RASGRF1: variants seen among roughly 807,000 people sequenced by gnomAD.
RASGRF1 encodes the protein ras-specific guanine nucleotide-releasing factor 1.
In RASGRF1, 40 loss-of-function variants were observed where a neutral mutation model predicts 138.7. The ratio of observed to expected loss-of-function variants is 0.29; its 90% CI spans 0.22 to 0.38. The LOEUF (loss-of-function observed/expected upper bound fraction) is 0.38, where lower values mean the gene tolerates loss of function less well. RASGRF1 is among the 10% of genes least tolerant of loss of function. RASGRF1 has a pLI of 1.00. For synonymous variants in RASGRF1, 614 were observed against 663.2 expected (o/e 0.93, Z 1.14); for missense variants, 1,108 against 1,650.4 (o/e 0.67, Z 5.69).
At chr15:79,017,386 C>G (rs761226173) in intron 12 of RASGRF1, among the ~76,000 whole-genome samples, 1 of 152,106 alleles carries the variant, frequency 6.6e-6, no homozygotes, top group African/African-American at 2.4e-5. Context: ...CTTTTCTGTG[C>G]GTATCAATGA....
At chr15:79,035,251 T>C (rs1466825500) in intron 5 of RASGRF1, 41 bp from the exon 6 acceptor site, 1 of 1,529,748 alleles carries the variant, frequency 6.5e-7, no homozygotes, top group Non-Finnish European at 9.0e-7. Flanking sequence ...CCCAGGGACT[T>C]CCTGCTGCTC....
At chr15:78,998,933 G>A (rs1310350582) in intron 17 of RASGRF1, 108 bp from the exon 18 acceptor site, 3 of 784,594 alleles carry the variant, frequency 3.8e-6, no homozygotes, top group African/African-American at 1.7e-5. Flanking sequence ...GGGTGAGTGA[G>A]GGGGTCATGG....
rs1283629947 is a variant in RASGRF1, at chr15:79,046,733, T to G, written c.878+13A>C. ...TCTCCTTCCTGCCTTGGCCAACCTT[T>G]AGGGGTGCTCACCTGTTCAGGAAGA... On this transcript the variant is annotated intron_variant, in intron 5 of 26. Coordinates refer to ENST00000558480, the MANE Select transcript of RASGRF1 (RefSeq NM_001145648.3). This position sits in a 1 kb window ranked among gnomAD's most constrained non-coding sequence, Gnocchi z 5.3. 1 of 1,613,610 alleles carries G rather than the reference T, an allele frequency of 6.2e-7. No individual in the cohort carries two copies. Among genetic ancestry groups the G allele is most frequent in the Admixed American group, 1.7e-5 (1 of 60,006 alleles).
chr15:78,988,806 C>G (rs925856753), intron 22 of RASGRF1, among the ~76,000 whole-genome samples: 8 of 149,004 alleles, frequency 5.4e-5, no homozygotes, highest in Non-Finnish European at 8.9e-5. Context: ...GGGGTTGGAA[C>G]TTGCACACAT....
rs2057364373 is a variant in RASGRF1 at position 79,047,087 on chromosome 15, G to T, written c.625-88C>A. ...CAGGCTGTGAGCTCCCCAAGGGTAG[G>T]AACCAAGGCTTTGTTATTCCTACGC... On this transcript the variant is annotated intron_variant, in intron 4 of 26. Coordinates refer to ENST00000558480, the MANE Select transcript of RASGRF1 (RefSeq NM_001145648.3). 1.9e-5 allele frequency: 28 copies of T among 1,505,236 alleles called. No individual in the cohort carries two copies. In the South Asian group the frequency reaches 3.5e-4, roughly 19 times the overall value. The allele number at this position is 1,505,236 out of a possible 1,614,324, so 93.2% of individuals were successfully genotyped here. A position where few individuals can be genotyped will look rare whatever the true frequency, so the allele number is the denominator to read the frequency against.
chr15:79,003,852 C>T lies in RASGRF1; in HGVS notation c.2399G>A (p.Gly800Asp), dbSNP rs767426532. The change falls in exon 15 of 27, where the codon GGC becomes GAC. Residue 800 changes from glycine to aspartate, a missense_variant. This residue lies in a region of RASGRF1 where 686 missense variants were observed against 976.7 expected (regional missense o/e 0.70). Coordinates refer to ENST00000558480, the MANE Select transcript of RASGRF1 (RefSeq NM_001145648.3). Reference protein sequence around the residue: ...SSFTNKIPDEGDTTPEKPEDP... With the variant: ...SSFTNKIPDEDDTTPEKPEDP... ...TTCGGGCTTCTCAGGGGTCGTATCG[C>T]CCTCATCTGGAATCTTGTTGGTGAA... 2 of 1,613,398 alleles carry T rather than the reference C, an allele frequency of 1.2e-6. No individual in the cohort carries two copies. Among genetic ancestry groups the T allele is most frequent in the South Asian group, 1.1e-5 (1 of 91,032 alleles).
chr15:79,064,476 C>T lies in RASGRF1; in HGVS notation c.327G>A (p.Leu109=). 6.2e-7 allele frequency: 1 copy of T among 1,614,230 alleles called. No homozygotes were observed. The highest frequency in any genetic ancestry group is 1.3e-5 in the African/African-American group (1 of 75,072). Residue 109 remains leucine (L), a synonymous_variant, in exon 2 of 27, where the codon CTG becomes CTA. Coordinates refer to ENST00000558480, the MANE Select transcript of RASGRF1 (RefSeq NM_001145648.3). Reference sequence around the variant, plus strand: ...CACAATCTTTTGCGTCCTCTGTCCTCAGCTCCAAGGCTTTCTGGTTCTCAT... The same window carrying T: ...CACAATCTTTTGCGTCCTCTGTCCTTAGCTCCAAGGCTTTCTGGTTCTCAT... ...FSHENQKALE[L]RTEDAKDCDE...
At chr15:78,980,488 G>C (rs1298026292) in intron 24 of RASGRF1, 132 bp downstream of exon 24, 9 of 612,494 alleles carry the variant, frequency 1.5e-5, no homozygotes, top group Non-Finnish European at 2.5e-5. Flanking sequence ...GGAAATCTAG[G>C]GGTCTTGTGG....
chr15:79,004,956 C>A, intron 14 of RASGRF1: 1 of 984,678 alleles, frequency 1.0e-6, no homozygotes, highest in Non-Finnish European at 1.2e-6. Context: ...TCAGCCAAGG[C>A]CATAGGGCTG....
chr15:79,083,606 C>T (rs533669479), intron 1 of RASGRF1, among the ~76,000 whole-genome samples: 1 of 152,310 alleles, frequency 6.6e-6, no homozygotes, highest in East Asian at 1.9e-4. Context: ...CTCTTTCTTT[C>T]TCCATGTATT....
chr15:79,089,704 A>G (rs1749470739), intron 1 of RASGRF1, among the ~76,000 whole-genome samples: 1 of 152,254 alleles, frequency 6.6e-6, no homozygotes, highest in African/African-American at 2.4e-5. Flanking sequence ...CCGAGGAGCT[A>G]GCGCAGACCG....
intron 1 of RASGRF1, among the ~76,000 whole-genome samples, chr15:79,077,070 T>C (rs2057843035): frequency 1.3e-5 from 2 of 152,192 alleles, no homozygotes; most frequent in Admixed American, 6.5e-5. Flanking sequence ...TCTTCAGGGA[T>C]AGCTGACAGG....
chr15:79,056,270 GTGAA>G (rs2057509977), intron 3 of RASGRF1, among the ~76,000 whole-genome samples: 1 of 152,216 alleles, frequency 6.6e-6, no homozygotes, highest in Non-Finnish European at 1.5e-5. Flanking sequence ...GAGTGAGTAA[GTGAA>G]TGAATGAATG....
chr15:79,002,138 T>A (rs1158809144), intron 15 of RASGRF1, among the ~76,000 whole-genome samples: 1 of 151,792 alleles, frequency 6.6e-6, no homozygotes. Context: ...ATGTGGTTGG[T>A]CCACGGACCA....
rs1458228506 is a variant in RASGRF1 at position 78,978,550 on chromosome 15, T to C, written c.3494+2070A>G. The C allele has an allele frequency of 7.1e-6, 7 of 986,414 alleles. No homozygotes were observed. In the East Asian group the frequency reaches 7.9e-4, roughly 111 times the overall value. The allele number at this position is 986,414 out of a possible 1,614,324, so 61.1% of individuals were successfully genotyped here. A position where few individuals can be genotyped will look rare whatever the true frequency, so the allele number is the denominator to read the frequency against. ...CGAATTGGATATCTTAATGAAAAGC[T>C]AAAAAAAGATGCCTGGGACGTATGA... On this transcript the variant is annotated intron_variant, in intron 24 of 26. Coordinates refer to ENST00000558480, the MANE Select transcript of RASGRF1 (RefSeq NM_001145648.3).
At position 79,064,529 on chromosome 15, in the gene RASGRF1, G is replaced by GT. The variant is rs2057650653; in HGVS notation, c.277-4dup. ...CTGAAGTTCACCGTGAAGTAATGCTGTATCAAGAAGAAGACATCTCCAATT... is the reference window on the plus strand; with the variant it reads ...CTGAAGTTCACCGTGAAGTAATGCTGTTATCAAGAAGAAGACATCTCCAATT... On this transcript the variant is annotated splice_region_variant and splice_polypyrimidine_tract_variant and intron_variant, in intron 1 of 26. Coordinates refer to ENST00000558480, the MANE Select transcript of RASGRF1 (RefSeq NM_001145648.3). The GT allele has an allele frequency of 6.2e-7, 1 of 1,608,854 alleles. No homozygotes were observed.
chr15:79,078,147 G>GTGTGTGCATGTGTC (rs1555407805), intron 1 of RASGRF1, among the ~76,000 whole-genome samples: 6 of 149,924 alleles, frequency 4.0e-5, no homozygotes, highest in East Asian at 4.0e-4. Flanking sequence ...GTGTGTGTGT[G>GTGTGTGCATGTGTC]TGTGTGCATG....
intron 24 of RASGRF1, among the ~76,000 whole-genome samples, chr15:78,975,394 T>TAA (rs565497293): frequency 8.2e-6 from 1 of 122,022 alleles, no homozygotes; most frequent in Admixed American, 7.6e-5. Flanking sequence ...GCTTTGTGAT[T>TAA]AAAAAAAAAA....
At position 78,999,858 on chromosome 15, in the gene RASGRF1, C is replaced by T; in HGVS notation, c.2631G>A (p.Leu877=). The T allele has an allele frequency of 1.2e-6, 2 of 1,614,182 alleles. No individual in the cohort carries two copies. Among genetic ancestry groups the T allele is most frequent in the Non-Finnish European group, 1.7e-6 (2 of 1,180,008 alleles). The change falls in exon 17 of 27, where the codon CTG becomes CTA. Residue 877 remains leucine (L), a synonymous_variant. Transcript: ENST00000558480. ...NGVVMTSCRE[L]DNNRSALSAA... is the part of the protein sequence containing the mutation. ...CCGACAAGGCACTGCGGTTATTGTC[C>T]AGTTCACGACAGGAGGTCATGACGA...
Sources: allele counts gnomAD v4.1 joint callset (sites outside exome capture counted in the v4.1 genomes callset), GRCh38; gene constraint gnomAD v4.1.1; regional missense constraint gnomAD v4.1.1; non-coding constraint Gnocchi (gnomAD v3.1); transcripts MANE v1.5; gene names NCBI Gene and HGNC (gene_info 2026-07-23, HGNC 2026-07-21).